KBTBD11: variants seen among roughly 807,000 people sequenced by gnomAD.
The protein encoded by KBTBD11 is kelch repeat and BTB domain containing 11.
For missense variants in KBTBD11, 1,390 were observed against 1,001.8 expected (o/e 1.39, Z -5.23); for synonymous variants, 747 against 499.0 (o/e 1.50, Z -6.63).
chr8:1,993,238 T>A (rs1202498423), intron 1 of KBTBD11, among the ~76,000 whole-genome samples: 1 of 152,134 alleles, frequency 6.6e-6, no homozygotes, highest in Non-Finnish European at 1.5e-5. Context: ...TGAGCCACCA[T>A]GCCTGGCCTC....
chr8:1,995,616 CG>C (rs1373269577), intron 1 of KBTBD11, among the ~76,000 whole-genome samples: 3 of 152,162 alleles, frequency 2.0e-5, no homozygotes, highest in Admixed American at 2.0e-4. Context: ...CACCCACCCT[CG>C]GTCCTGCCTG....
rs1476587053 is a variant in KBTBD11 at position 2,001,229 on chromosome 8, G to C, written c.37G>C (p.Gly13Arg). ...GGTGGCCCCCTGCGTCCTCTACCCA[G>C]GGACTGAGCCCGGGGCTGCCGGGGA... Reference protein sequence around the residue: ...HAVAPCVLYPGTEPGAAGESE... With the variant: ...HAVAPCVLYPRTEPGAAGESE... Residue 13 changes from glycine to arginine, a missense_variant, in exon 2 of 2, where the codon GGG becomes CGG. Gly to Arg is a moderately radical substitution (Grantham distance 125, BLOSUM62 -2). Transcript: ENST00000320248. 2 of 1,470,028 alleles carry C rather than the reference G, an allele frequency of 1.4e-6. No homozygotes were observed. Among genetic ancestry groups the C allele is most frequent in the Non-Finnish European group, 1.8e-6 (2 of 1,113,074 alleles). 91.1% of individuals were successfully genotyped at this position (1,470,028 alleles called of 1,614,324 possible).
rs1817477644 is a variant in KBTBD11, at chr8:2,003,473, G to A, written c.*409G>A. ...AGTAGGTCGCCGCGAACTATCGGGG[G>A]AAGCACGCAGAGAGGGTCACGCCTT... is the stretch of plus-strand genomic sequence containing the variant. On this transcript the variant is annotated 3_prime_UTR_variant, in exon 2 of 2. Coordinates refer to ENST00000320248, the MANE Select transcript of KBTBD11 (RefSeq NM_014867.3). 1 of 186,516 alleles carries A rather than the reference G, an allele frequency of 5.4e-6. No individual in the cohort carries two copies. The highest frequency in any genetic ancestry group is 6.3e-5 in the Admixed American group (1 of 15,810). The allele number at this position is 186,516 out of a possible 1,614,324, so 11.6% of individuals were successfully genotyped here.
In KBTBD11 at chr8:2,002,018, C is replaced by T; in HGVS notation, c.826C>T (p.Leu276=). The T allele has an allele frequency of 3.6e-6, 5 of 1,403,748 alleles. No homozygotes were observed. The highest frequency in any genetic ancestry group is 4.7e-6 in the Non-Finnish European group (5 of 1,067,798). 87.0% of individuals were successfully genotyped at this position (1,403,748 alleles called of 1,614,324 possible). A position where few individuals can be genotyped will look rare whatever the true frequency, so the allele number is the denominator to read the frequency against. The change falls in exon 2 of 2, where the codon CTG becomes TTG. Residue 276 remains leucine (L), a synonymous_variant. Coordinates refer to ENST00000320248, the MANE Select transcript of KBTBD11 (RefSeq NM_014867.3). The surrounding 1 kb of genome is among the most constrained non-coding windows in gnomAD (Gnocchi z 4.1). The stretch of plus-strand genomic sequence containing the variant: ...GCGCGAGCCCGCCGTGTTCGGCCGC[C>T]TGTCGGGCGCAGAGCGGGACCTGCT... ...VLREPAVFGR[L]SGAERDLLLR...
chr8:1,991,264 A>G (rs1816905400), intron 1 of KBTBD11, among the ~76,000 whole-genome samples: 1 of 152,200 alleles, frequency 6.6e-6, no homozygotes, highest in Non-Finnish European at 1.5e-5. Context: ...CGTGCTCTTT[A>G]TACACACCGC....
rs1252513764 is a variant in KBTBD11, at chr8:2,002,260, C to T, written c.1068C>T (p.Val356=). ...GAPARGCGLC[V]LYNYLFVAGG... is the part of the protein sequence containing the mutation. The stretch of plus-strand genomic sequence containing the variant: ...CGGCGCGGGGCTGCGGCCTGTGCGT[C>T]CTCTACAACTACCTCTTCGTGGCGG... Residue 356 remains valine (V), a synonymous_variant, in exon 2 of 2, where the codon GTC becomes GTT. Transcript: ENST00000320248. This position sits in a 1 kb window ranked among gnomAD's most constrained non-coding sequence, Gnocchi z 4.1. The T allele has an allele frequency of 9.2e-6, 12 of 1,308,068 alleles. No individual in the cohort carries two copies. The highest frequency in any genetic ancestry group is 3.3e-5 in the East Asian group (1 of 30,324). The allele number at this position is 1,308,068 out of a possible 1,614,324, so 81.0% of individuals were successfully genotyped here.
chr8:2,001,281 C>G lies in KBTBD11; in HGVS notation c.89C>G (p.Pro30Arg). 1 of 1,520,470 alleles carries G rather than the reference C, an allele frequency of 6.6e-7. No homozygotes were observed. The highest frequency in any genetic ancestry group is 2.6e-5 in the East Asian group (1 of 38,162). 94.2% of individuals were successfully genotyped at this position (1,520,470 alleles called of 1,614,324 possible). ...AGCGAGAGCGAGGGCGCCGCGTCCC[C>G]GGCGCAGACACCCTGCAGTCTCGGC... ...GESESEGAASPAQTPCSLGAS... is the reference protein window; with the variant it reads ...GESESEGAASRAQTPCSLGAS... The change falls in exon 2 of 2, where the codon CCG becomes CGG. Residue 30 changes from proline to arginine, a missense_variant. Transcript: ENST00000320248.
rs1817375321 is a variant in KBTBD11, at chr8:2,001,809, A to G, written c.617A>G (p.Glu206Gly). 2 of 1,235,192 alleles carry G rather than the reference A, an allele frequency of 1.6e-6. No individual in the cohort carries two copies. Among genetic ancestry groups the G allele is most frequent in the Non-Finnish European group, 2.0e-6 (2 of 993,304 alleles). 76.5% of individuals were successfully genotyped at this position (1,235,192 alleles called of 1,614,324 possible). ...MAGVRPDNVA[E>G]VVAGARRLQL... ...GGCGTGCGGCCCGACAACGTGGCCG[A>G]GGTGGTGGCCGGCGCGCGCCGCCTG... The change falls in exon 2 of 2, where the codon GAG becomes GGG. Residue 206 changes from glutamate to glycine, a missense_variant. By Grantham distance (98) the Glu-to-Gly change is moderately conservative. Coordinates refer to ENST00000320248, the MANE Select transcript of KBTBD11 (RefSeq NM_014867.3).
At chr8:1,988,096 G>A (rs567965739) in intron 1 of KBTBD11, among the ~76,000 whole-genome samples, 1 of 152,174 alleles carries the variant, frequency 6.6e-6, no homozygotes, top group Non-Finnish European at 1.5e-5. Context: ...ATTCCATGGT[G>A]TATATGTGCC....
rs1047826848 is a variant in KBTBD11, at chr8:2,003,701, C to T, written c.*637C>T. The T allele has an allele frequency of 6.0e-6, 1 of 167,066 alleles. No individual in the cohort carries two copies. The highest frequency in any genetic ancestry group is 2.4e-5 in the African/African-American group (1 of 41,450). The allele number at this position is 167,066 out of a possible 1,614,324, so 10.3% of individuals were successfully genotyped here. A position where few individuals can be genotyped will look rare whatever the true frequency, so the allele number is the denominator to read the frequency against. Reference sequence around the variant, plus strand: ...AAGTATTTCCTTCCCCACACCATTGCTACTCAAACTCACATGCCTAGAGCA... The same window carrying T: ...AAGTATTTCCTTCCCCACACCATTGTTACTCAAACTCACATGCCTAGAGCA... On this transcript the variant is annotated 3_prime_UTR_variant, in exon 2 of 2. Coordinates refer to ENST00000320248, the MANE Select transcript of KBTBD11 (RefSeq NM_014867.3).
Position 2,004,273 on chromosome 8 carries a change from A to C in KBTBD11, c.*1209A>C, listed in dbSNP as rs1239974535. 6.0e-6 allele frequency: 1 copy of C among 166,964 alleles called. No homozygotes were observed. The highest frequency in any genetic ancestry group is 1.5e-5 in the Non-Finnish European group (1 of 68,136). The allele number at this position is 166,964 out of a possible 1,614,324, so 10.3% of individuals were successfully genotyped here. ...CTGCATTGACAGGGTATGAGGATTA[A>C]AAACAAATCAGTTGGGTCGTTTCTC... On this transcript the variant is annotated 3_prime_UTR_variant, in exon 2 of 2. Transcript: ENST00000320248.
Position 2,002,682 on chromosome 8 carries a change from C to G in KBTBD11, c.1490C>G (p.Ala497Gly). 6.4e-7 allele frequency: 1 copy of G among 1,561,310 alleles called. No homozygotes were observed. Among genetic ancestry groups the G allele is most frequent in the Non-Finnish European group, 8.6e-7 (1 of 1,162,752 alleles). ...CGCGAGCGCTCGGCCGACATGGTGGCTCTCGACGGCTTCATCTACCGCTTC... is the reference window on the plus strand; with the variant it reads ...CGCGAGCGCTCGGCCGACATGGTGGGTCTCGACGGCTTCATCTACCGCTTC... ...SSRERSADMV[A>G]LDGFIYRFDL... Residue 497 changes from alanine (A) to glycine (G), a missense_variant, in exon 2 of 2, where the codon GCT becomes GGT. Physicochemically the swap from Ala to Gly is moderately conservative, Grantham distance 60. Transcript: ENST00000320248. The surrounding 1 kb of genome is among the most constrained non-coding windows in gnomAD (Gnocchi z 4.1).
intron 1 of KBTBD11, among the ~76,000 whole-genome samples, chr8:1,978,856 G>T (rs113458308): frequency 0.051 from 7,832 of 152,102 alleles, 692 homozygotes; most frequent in African/African-American, 0.18. Flanking sequence ...CAAGACTTGG[G>T]CTCCAGGAAG....
Position 2,002,530 on chromosome 8 carries a change from C to A in KBTBD11, c.1338C>A (p.Phe446Leu). The change falls in exon 2 of 2, where the codon TTC becomes TTA. Residue 446 changes from phenylalanine (F) to leucine (L), a missense_variant. Coordinates refer to ENST00000320248, the MANE Select transcript of KBTBD11 (RefSeq NM_014867.3). The surrounding 1 kb of genome is among the most constrained non-coding windows in gnomAD (Gnocchi z 4.1). ...APVAPLPRGA[F>L]AVAHEATTCH... ...TGGCGCCGCTGCCCCGGGGCGCCTTCGCCGTGGCGCATGAGGCCACCACCT... is the reference window on the plus strand; with the variant it reads ...TGGCGCCGCTGCCCCGGGGCGCCTTAGCCGTGGCGCATGAGGCCACCACCT... 6.5e-7 allele frequency: 1 copy of A among 1,544,716 alleles called. No homozygotes were observed.
At chr8:1,990,477 T>G (rs111705385) in intron 1 of KBTBD11, among the ~76,000 whole-genome samples, 3 of 99,508 alleles carry the variant, frequency 3.0e-5, no homozygotes, top group Non-Finnish European at 4.3e-5. Context: ...TAGATGCTGC[T>G]GGGACTTGGC....
At chr8:1,976,001 T>G (rs961308687) in intron 1 of KBTBD11, 1 of 152,194 alleles carries the variant, frequency 6.6e-6, no homozygotes. Context: ...GGCACATGTT[T>G]CAGTTGTTTT....
Position 2,004,488 on chromosome 8 carries a change from A to G in KBTBD11, c.*1424A>G, listed in dbSNP as rs960122752. On this transcript the variant is annotated 3_prime_UTR_variant, in exon 2 of 2. Coordinates refer to ENST00000320248, the MANE Select transcript of KBTBD11 (RefSeq NM_014867.3). ...CCTACTTTAATATTATTTGTTTGTT[A>G]ATCCAGTAATGGGAACTGCCATCTC... The G allele has an allele frequency of 6.0e-6, 1 of 167,084 alleles. No individual in the cohort carries two copies. The highest frequency in any genetic ancestry group is 1.5e-5 in the Non-Finnish European group (1 of 68,136). 10.4% of individuals were successfully genotyped at this position (167,084 alleles called of 1,614,324 possible). A position where few individuals can be genotyped will look rare whatever the true frequency, so the allele number is the denominator to read the frequency against.
intron 1 of KBTBD11, chr8:1,974,993 C>T (rs1816282668): frequency 6.6e-6 from 1 of 152,338 alleles, no homozygotes; most frequent in African/African-American, 2.4e-5. Context: ...CACTAAGGAG[C>T]AGTTACTCAG....
rs780599733 is a variant in KBTBD11, at chr8:2,002,000, C to T, written c.808C>T (p.Pro270Ser). 24 of 1,427,086 alleles carry T rather than the reference C, an allele frequency of 1.7e-5. No homozygotes were observed. Among genetic ancestry groups the T allele is most frequent in the Non-Finnish European group, 2.0e-5 (22 of 1,081,962 alleles). 88.4% of individuals were successfully genotyped at this position (1,427,086 alleles called of 1,614,324 possible). A position where few individuals can be genotyped will look rare whatever the true frequency, so the allele number is the denominator to read the frequency against. Residue 270 changes from proline to serine, a missense_variant, in exon 2 of 2, where the codon CCC becomes TCC. By Grantham distance (74) the Pro-to-Ser change is moderately conservative. Transcript: ENST00000320248. ...SDHYLEVLREPAVFGRLSGAE... is the reference protein window; with the variant it reads ...SDHYLEVLRESAVFGRLSGAE... ...CCACTATCTGGAGGTGCTGCGCGAG[C>T]CCGCCGTGTTCGGCCGCCTGTCGGG...
Sources: allele counts gnomAD v4.1 joint callset (sites outside exome capture counted in the v4.1 genomes callset), GRCh38; gene constraint gnomAD v4.1.1; non-coding constraint Gnocchi (gnomAD v3.1); transcripts MANE v1.5; gene names NCBI Gene and HGNC (gene_info 2026-07-23, HGNC 2026-07-21).